PITPNA: variants seen among roughly 807,000 people sequenced by gnomAD.
PITPNA encodes the protein phosphatidylinositol transfer protein alpha isoform.
Under a neutral mutation model 50.3 loss-of-function variants are expected in PITPNA, and 13 were observed. The ratio of observed to expected loss-of-function variants is 0.26; its 90% CI spans 0.17 to 0.41. PITPNA has a LOEUF of 0.41. Among genes scored for constraint, PITPNA ranks in the 10% least tolerant of loss-of-function variants. PITPNA has a pLI of 1.00. For missense variants in PITPNA, 207 were observed against 333.4 expected (o/e 0.62, Z 2.95); for synonymous variants, 120 against 119.6 (o/e 1.00, Z -0.02).
chr17:1,542,548 C>T (rs963925916), intron 5 of PITPNA, among the ~76,000 whole-genome samples: 1 of 152,160 alleles, frequency 6.6e-6, no homozygotes, highest in Admixed American at 6.5e-5. Context: ...TGTTTACCGG[C>T]AGGGACAAGG....
chr17:1,541,808 G>A, intron 5 of PITPNA, 168 bp from the exon 6 acceptor site: 1 of 702,506 alleles, frequency 1.4e-6, no homozygotes, highest in Non-Finnish European at 2.7e-6. Flanking sequence ...CACTAGGCAT[G>A]TATTATCCCA....
chr17:1,547,358 A>C (rs1210505759), intron 4 of PITPNA, among the ~76,000 whole-genome samples: 19 of 152,054 alleles, frequency 1.2e-4, no homozygotes, highest in Admixed American at 1.2e-3. Flanking sequence ...AGAGTGAGAC[A>C]AAAAAAGCAA....
chr17:1,537,502 G>A (rs1205119641), intron 7 of PITPNA, among the ~76,000 whole-genome samples: 1 of 152,106 alleles, frequency 6.6e-6, no homozygotes, highest in African/African-American at 2.4e-5. Context: ...CCCAGCCTCT[G>A]AGGAGATTAT....
intron 11 of PITPNA, among the ~76,000 whole-genome samples, chr17:1,520,983 A>T (rs1464923055): frequency 6.6e-6 from 1 of 152,088 alleles, no homozygotes; most frequent in African/African-American, 2.4e-5. Context: ...ACCGAGAGTT[A>T]ACGGAAGGAG....
At chr17:1,520,817 G>A (rs76399818) in intron 11 of PITPNA, among the ~76,000 whole-genome samples, 4,116 of 152,274 alleles carry the variant, frequency 0.027, 208 homozygotes, top group African/African-American at 0.094. Flanking sequence ...GGCCCTCCTT[G>A]CCCGTAGGGT....
At chr17:1,553,500 C>T (rs528573451) in intron 2 of PITPNA, among the ~76,000 whole-genome samples, 134 of 152,208 alleles carry the variant, frequency 8.8e-4, no homozygotes, top group Admixed American at 1.6e-3. Context: ...CCTTGGCCTG[C>T]CAAAGTGCTG....
At chr17:1,538,730 C>T in intron 7 of PITPNA, 139 bp downstream of exon 7, 1 of 584,868 alleles carries the variant, frequency 1.7e-6, no homozygotes, top group Non-Finnish European at 3.0e-6. Context: ...TCTCCTAATA[C>T]TCACTTTTAA....
At chr17:1,529,597 G>A (rs1375560426) in intron 10 of PITPNA, among the ~76,000 whole-genome samples, 5 of 151,920 alleles carry the variant, frequency 3.3e-5, no homozygotes, top group African/African-American at 7.3e-5. Flanking sequence ...GCTCACAACT[G>A]TAATCCTAGC....
intron 2 of PITPNA, among the ~76,000 whole-genome samples, chr17:1,556,227 C>G (rs1490580346): frequency 6.6e-6 from 1 of 152,224 alleles, no homozygotes; most frequent in South Asian, 2.1e-4. Context: ...ACCCAGGCCA[C>G]GTGGTACTTT....
intron 7 of PITPNA, chr17:1,535,721 GGTTT>G: frequency 3.4e-6 from 2 of 584,830 alleles, no homozygotes; most frequent in Non-Finnish European, 6.1e-6. Flanking sequence ...TCTCCGATAG[GGTTT>G]GTTTTCCATT....
intron 4 of PITPNA, among the ~76,000 whole-genome samples, chr17:1,545,699 A>G (rs1465724300): frequency 6.6e-6 from 1 of 152,146 alleles, no homozygotes; most frequent in African/African-American, 2.4e-5. Flanking sequence ...ATGAACATTT[A>G]ACGTGCAGAA....
intron 9 of PITPNA, 91 bp downstream of exon 9, chr17:1,535,091 C>T: frequency 1.3e-6 from 1 of 782,580 alleles, no homozygotes; most frequent in South Asian, 1.6e-5. Context: ...AAGGCCTCAG[C>T]CGAGCTACTC....
intron 10 of PITPNA, among the ~76,000 whole-genome samples, chr17:1,523,129 C>G (rs1351642862): frequency 6.7e-6 from 1 of 150,024 alleles, no homozygotes; most frequent in Non-Finnish European, 1.5e-5. Context: ...ACCAAGTGGT[C>G]CCTGTCACTG....
At chr17:1,523,674 AT>A (rs1261767976) in intron 10 of PITPNA, among the ~76,000 whole-genome samples, 3 of 149,980 alleles carry the variant, frequency 2.0e-5, no homozygotes, top group East Asian at 1.9e-4. Flanking sequence ...TGCCTGGCTA[AT>A]TTTTTTTTGT....
rs1401884181 is a variant in PITPNA, at chr17:1,562,211, CG to C, written c.20+329del. Among the ~76,000 whole-genome samples, 4 of 152,096 alleles carry C rather than the reference CG, an allele frequency of 2.6e-5. No homozygotes were observed. The highest frequency in any genetic ancestry group is 9.7e-5 in the African/African-American group (4 of 41,424). On this transcript the variant is annotated intron_variant, in intron 1 of 11. Transcript: ENST00000313486. The surrounding 1 kb of genome is among the most constrained non-coding windows in gnomAD (Gnocchi z 6.4). Reference sequence around the variant, plus strand: ...CGGGGCGCCTGAGGAGCCGTCCGCCCGGGTTGTCCCTCCGTGCCCGTGGGCC... The same window carrying C: ...CGGGGCGCCTGAGGAGCCGTCCGCCCGGTTGTCCCTCCGTGCCCGTGGGCC...
intron 10 of PITPNA, among the ~76,000 whole-genome samples, chr17:1,531,996 G>C (rs183936640): frequency 2.0e-5 from 3 of 152,282 alleles, no homozygotes; most frequent in Admixed American, 6.5e-5. Context: ...TAATTCCAAA[G>C]AGAGTTTCTT....
chr17:1,527,847 A>T (rs1444539031), intron 10 of PITPNA, among the ~76,000 whole-genome samples: 1 of 152,222 alleles, frequency 6.6e-6, no homozygotes, highest in African/African-American at 2.4e-5. Context: ...TTATAACTGC[A>T]AGTGAATCTT....
chr17:1,555,137 C>T (rs561373047), intron 2 of PITPNA, among the ~76,000 whole-genome samples: 3 of 152,226 alleles, frequency 2.0e-5, no homozygotes, highest in South Asian at 2.1e-4. Flanking sequence ...GTGGAGGGGG[C>T]GAGGTTCCCA....
chr17:1,545,471 C>T (rs1236659123), intron 4 of PITPNA, among the ~76,000 whole-genome samples: 7 of 152,186 alleles, frequency 4.6e-5, no homozygotes, highest in Non-Finnish European at 1.0e-4. Flanking sequence ...TCTAACTAAA[C>T]AGATCTAAGA....
Sources: gnomAD v4.1 joint callset for allele counts (sites outside exome capture counted in the v4.1 genomes callset) on GRCh38, gnomAD v4.1.1 for gene constraint, Gnocchi (gnomAD v3.1) non-coding constraint, MANE v1.5 for transcripts, NCBI Gene and HGNC (gene_info 2026-07-23, HGNC 2026-07-21) for gene names.